SLC39A14: variants seen among roughly 807,000 people sequenced by gnomAD.
The protein encoded by SLC39A14 is metal cation symporter ZIP14.
In SLC39A14, 19 loss-of-function variants were observed where a neutral mutation model predicts 45.5. The observed-to-expected ratio is 0.42, with a 90% CI of 0.29 to 0.61. The LOEUF (loss-of-function observed/expected upper bound fraction) is 0.61, where lower values mean the gene tolerates loss of function less well. Ranked by LOEUF, SLC39A14 falls within the 20% of genes least tolerant of loss-of-function variation. The pLI, the probability that SLC39A14 is intolerant of heterozygous loss-of-function variation, is 0.22. For synonymous variants in SLC39A14, 264 were observed against 251.3 expected (o/e 1.05, Z -0.48); for missense variants, 447 against 616.5 (o/e 0.73, Z 2.91).
At chr8:22,402,093 C>T (rs1316286291) in intron 1 of SLC39A14, among the ~76,000 whole-genome samples, 1 of 152,018 alleles carries the variant, frequency 6.6e-6, no homozygotes, top group African/African-American at 2.4e-5. Flanking sequence ...TCAAGAGTCC[C>T]ATTATAGGCT....
At position 22,418,698 on chromosome 8, in the gene SLC39A14, A is replaced by AT. The variant is rs574245417; in HGVS notation, c.1333-848dup. On this transcript the variant is annotated intron_variant, in intron 8 of 8. Transcript: ENST00000381237. Reference sequence around the variant, plus strand: ...AGGCTCCAGCCACCATGCCCAGCTAATTTTTTGAATTTTTATAGAATGGGG... The same window carrying AT: ...AGGCTCCAGCCACCATGCCCAGCTAATTTTTTTGAATTTTTATAGAATGGGG... Among the ~76,000 whole-genome samples, 131 of 152,098 alleles carry AT rather than the reference A, an allele frequency of 8.6e-4. 1 individual carries two copies. Among genetic ancestry groups the AT allele is most frequent in the African/African-American group, 2.9e-3 (119 of 41,496 alleles).
At chr8:22,413,346 G>A (rs1410773310) in intron 4 of SLC39A14, among the ~76,000 whole-genome samples, 1 of 152,148 alleles carries the variant, frequency 6.6e-6, no homozygotes, top group Non-Finnish European at 1.5e-5. Context: ...GTTTTACCAC[G>A]TTGGAATCTG....
intron 1 of SLC39A14, among the ~76,000 whole-genome samples, chr8:22,382,946 G>A (rs994433178): frequency 4.6e-5 from 7 of 151,418 alleles, no homozygotes; most frequent in African/African-American, 1.7e-4. Context: ...TCAAACTCCT[G>A]GGCTCAAGCC....
chr8:22,411,478 G>A (rs1167759382), intron 3 of SLC39A14, among the ~76,000 whole-genome samples: 1 of 152,220 alleles, frequency 6.6e-6, no homozygotes, highest in Non-Finnish European at 1.5e-5. Flanking sequence ...ATCTGGCTTG[G>A]TTGTGTCTTG....
intron 1 of SLC39A14, chr8:22,404,426 C>CAAAA: frequency 8.5e-6 from 1 of 117,036 alleles, no homozygotes; most frequent in Admixed American, 1.1e-4. Context: ...TCTCCCGTCT[C>CAAAA]AAAAAAAAAA....
chr8:22,400,504 G>C (rs1321591372), intron 1 of SLC39A14, among the ~76,000 whole-genome samples: 1 of 151,986 alleles, frequency 6.6e-6, no homozygotes, highest in Admixed American at 6.6e-5. Flanking sequence ...CACTTTCTTT[G>C]TACAACAGGT....
Position 22,412,200 on chromosome 8 carries a change from C to A in SLC39A14, c.621C>A (p.Ile207=). Residue 207 remains isoleucine (I), a synonymous_variant, in exon 4 of 9, where the codon ATC becomes ATA. Coordinates refer to ENST00000381237, the MANE Select transcript of SLC39A14 (RefSeq NM_001128431.4). ...ACTCCAACGCCCTCTTCCAGCTCAT[C>A]CCGGAGGTATGGCAAGCCAGGGCCT... The part of the protein sequence containing the change: ...TLYSNALFQL[I]PEAFGFNPLE... The A allele has an allele frequency of 6.4e-7, 1 of 1,551,634 alleles. No homozygotes were observed. Among genetic ancestry groups the A allele is most frequent in the South Asian group, 1.2e-5 (1 of 84,058 alleles).
intron 1 of SLC39A14, among the ~76,000 whole-genome samples, chr8:22,387,835 C>T (rs1219029865): frequency 1.3e-5 from 2 of 152,160 alleles, no homozygotes; most frequent in African/African-American, 2.4e-5. Flanking sequence ...CATTGGCTCA[C>T]GCCTGTAATC....
At chr8:22,409,687 G>A (rs1279202166) in intron 3 of SLC39A14, among the ~76,000 whole-genome samples, 1 of 152,160 alleles carries the variant, frequency 6.6e-6, no homozygotes, top group Non-Finnish European at 1.5e-5. Flanking sequence ...TGGCCTACTT[G>A]TATGGTTTTT....
chr8:22,433,020 T>A (rs1836492265), intron 8 of SLC39A14, among the ~76,000 whole-genome samples: 1 of 151,938 alleles, frequency 6.6e-6, no homozygotes, highest in South Asian at 2.1e-4. Context: ...CCCAGGCCGG[T>A]CTGGAACTCC....
In SLC39A14 at chr8:22,422,430, T is replaced by C. The variant is rs1836281516; in HGVS notation, c.*2732T>C. 1 of 985,738 alleles carries C rather than the reference T, an allele frequency of 1.0e-6. No individual in the cohort carries two copies. Among genetic ancestry groups the C allele is most frequent in the Non-Finnish European group, 1.2e-6 (1 of 829,932 alleles). The allele number at this position is 985,738 out of a possible 1,614,324, so 61.1% of individuals were successfully genotyped here. On this transcript the variant is annotated 3_prime_UTR_variant, in exon 9 of 9. Transcript: ENST00000381237. ...CTGTTTGGGTAGCGTAAGAGCTGAGTATAGTAAGTCCTCTTCCAAAGAGAT... is the reference window on the plus strand; with the variant it reads ...CTGTTTGGGTAGCGTAAGAGCTGAGCATAGTAAGTCCTCTTCCAAAGAGAT...
At chr8:22,386,556 C>T (rs1563506392) in intron 1 of SLC39A14, among the ~76,000 whole-genome samples, 2 of 152,186 alleles carry the variant, frequency 1.3e-5, no homozygotes, top group South Asian at 2.1e-4. Flanking sequence ...CGTAAGCCAC[C>T]GTGCCCACCC....
chr8:22,407,711 T>C (rs1835307546), intron 2 of SLC39A14, among the ~76,000 whole-genome samples: 1 of 147,800 alleles, frequency 6.8e-6, no homozygotes, highest in Admixed American at 6.7e-5. Flanking sequence ...ATTTTGCTTT[T>C]TTTTTTTTTT....
At chr8:22,418,747 T>A (rs1001080793) in intron 8 of SLC39A14, among the ~76,000 whole-genome samples, 2 of 152,142 alleles carry the variant, frequency 1.3e-5, no homozygotes, top group African/African-American at 4.8e-5. Flanking sequence ...TAGGCTGGTC[T>A]TGAACTTGTG....
intron 1 of SLC39A14, among the ~76,000 whole-genome samples, chr8:22,402,315 G>A (rs767609693): frequency 4.6e-5 from 7 of 152,046 alleles, no homozygotes; most frequent in South Asian, 4.1e-4. Flanking sequence ...AACCCAGGAG[G>A]CGGAGCTTGC....
At chr8:22,408,067 G>A (rs913161346) in intron 2 of SLC39A14, among the ~76,000 whole-genome samples, 1 of 152,180 alleles carries the variant, frequency 6.6e-6, no homozygotes, top group African/African-American at 2.4e-5. Context: ...CTCATTTACC[G>A]ACGGTTGTGC....
chr8:22,402,954 C>T (rs1020381423), intron 1 of SLC39A14, among the ~76,000 whole-genome samples: 1 of 144,924 alleles, frequency 6.9e-6, no homozygotes, highest in Non-Finnish European at 1.5e-5. Flanking sequence ...TAATTTTTCT[C>T]TTTTAGTTAT....
chr8:22,431,235 C>A (rs1234265527), intron 8 of SLC39A14, among the ~76,000 whole-genome samples: 1 of 151,250 alleles, frequency 6.6e-6, no homozygotes, highest in Non-Finnish European at 1.5e-5. Context: ...GATCCACCTG[C>A]CTCAGCCTCC....
intron 1 of SLC39A14, among the ~76,000 whole-genome samples, chr8:22,391,438 AG>A (rs1216920153): frequency 3.3e-5 from 5 of 152,224 alleles, no homozygotes. Flanking sequence ...ATTCAAGGTC[AG>A]GGAGTTGTTT....
Sources: gnomAD v4.1 joint callset for allele counts (sites outside exome capture counted in the v4.1 genomes callset) on GRCh38, gnomAD v4.1.1 for gene constraint, MANE v1.5 for transcripts, NCBI Gene and HGNC (gene_info 2026-07-23, HGNC 2026-07-21) for gene names.